PRKCQ: variants seen among roughly 807,000 people sequenced by gnomAD.
The protein encoded by PRKCQ is protein kinase C theta.
PRKCQ carries 41 observed loss-of-function variants against 91.2 expected under a neutral mutation model. The observed-to-expected ratio is 0.45, with a 90% confidence interval of 0.35 to 0.58. PRKCQ has a LOEUF of 0.58. Among genes scored for constraint, PRKCQ ranks in the 20% least tolerant of loss-of-function variants. PRKCQ has a pLI of 0.00. For synonymous variants in PRKCQ, 307 were observed against 316.9 expected (o/e 0.97, Z 0.33); for missense variants, 673 against 896.5 (o/e 0.75, Z 3.18).
rs71379861 is a variant in PRKCQ at position 6,521,922 on chromosome 10, G to GTTATTTATTTATTTAT, written c.-9-6794_-9-6779dup. On this transcript the variant is annotated intron_variant, in intron 1 of 17. Transcript: ENST00000263125. ...GTTATGTGATGTTATGTTATGTTAT[G>GTTATTTATTTATTTAT]TTATTTATTTATTTATTTATTTATT... Among the ~76,000 whole-genome samples, 347 of 63,256 alleles carry GTTATTTATTTATTTAT rather than the reference G, an allele frequency of 5.5e-3. 1 individual carries two copies. The highest frequency in any genetic ancestry group is 0.015 in the African/African-American group (330 of 22,196). 41.5% of individuals were successfully genotyped at this position (63,256 alleles called of 152,430 possible). A position where few individuals can be genotyped will look rare whatever the true frequency, so the allele number is the denominator to read the frequency against.
Position 6,441,917 on chromosome 10 carries a change from C to A in PRKCQ, c.1812G>T (p.Lys604Asn), listed in dbSNP as rs1833990997. The A allele has an allele frequency of 6.2e-7, 1 of 1,609,684 alleles. No individual in the cohort carries two copies. The highest frequency in any genetic ancestry group is 1.3e-5 in the African/African-American group (1 of 74,864). The change falls in exon 16 of 18, where the codon AAG becomes AAT. Residue 604 changes from lysine to asparagine, a missense_variant. Transcript: ENST00000263125. ...DNPFYPRWLE[K>N]EAKDLLVKLF... Reference sequence around the variant, plus strand: ...CCTTCACCAGAAGGTCCTTTGCTTCCTTCTCCAGCCACCGTGGGTAAAAGG... The same window carrying A: ...CCTTCACCAGAAGGTCCTTTGCTTCATTCTCCAGCCACCGTGGGTAAAAGG...
chr10:6,554,681 C>A (rs188146870), intron 1 of PRKCQ, among the ~76,000 whole-genome samples: 16 of 152,278 alleles, frequency 1.1e-4, no homozygotes, highest in Non-Finnish European at 2.1e-4. Context: ...TTCAATAAGT[C>A]TTTTATTAGA....
In PRKCQ at chr10:6,458,810, C is replaced by G. The variant is rs1205471411; in HGVS notation, c.1509-1998G>C. On this transcript the variant is annotated intron_variant, in intron 14 of 17. Transcript: ENST00000263125. ...CATGGGTTGGGCCCAGTTTTATTGT[C>G]AATAAAATATAATCTTAAGGTTCTT... 2.6e-5 allele frequency among the ~76,000 whole-genome samples: 4 copies of G among 152,160 alleles called. No homozygotes were observed. In the South Asian group the frequency reaches 8.3e-4, roughly 32 times the overall value.
intron 1 of PRKCQ, among the ~76,000 whole-genome samples, chr10:6,553,251 C>T (rs549207158): frequency 6.6e-6 from 1 of 152,118 alleles, no homozygotes; most frequent in Admixed American, 6.5e-5. Flanking sequence ...TCGGAATAGA[C>T]ATACGAGGCA....
At chr10:6,560,101 C>T (rs1840572576) in intron 1 of PRKCQ, among the ~76,000 whole-genome samples, 1 of 152,166 alleles carries the variant, frequency 6.6e-6, no homozygotes, top group African/African-American at 2.4e-5. Context: ...TTTGATCAGT[C>T]AACATTTAGT....
At chr10:6,480,375 A>G (rs893872033) in intron 11 of PRKCQ, among the ~76,000 whole-genome samples, 1 of 152,206 alleles carries the variant, frequency 6.6e-6, no homozygotes, top group African/African-American at 2.4e-5. Context: ...TAACTCCAAA[A>G]TCTACTTTTC....
rs1209441742 is a variant in PRKCQ, at chr10:6,444,459, A to T, written c.1648-2378T>A. 2.0e-5 allele frequency among the ~76,000 whole-genome samples: 3 copies of T among 152,168 alleles called. No homozygotes were observed. The East Asian group carries it at 5.8e-4, about 29-fold the overall frequency. ...TAAAAACAAAACCCTAGGACATAAT[A>T]GTGGCACATAAAATTTTTTTTAATG... is the stretch of plus-strand genomic sequence containing the variant. On this transcript the variant is annotated intron_variant, in intron 15 of 17. Transcript: ENST00000263125.
At chr10:6,570,744 G>A (rs887305032) in intron 1 of PRKCQ, among the ~76,000 whole-genome samples, 4 of 151,928 alleles carry the variant, frequency 2.6e-5, no homozygotes, top group Non-Finnish European at 4.4e-5. Flanking sequence ...TAGTAGAGAC[G>A]GGGTTTCACC....
intron 11 of PRKCQ, among the ~76,000 whole-genome samples, chr10:6,480,491 A>T (rs75864126): frequency 0.011 from 1,607 of 152,350 alleles, 26 homozygotes; most frequent in African/African-American, 0.036. Context: ...ACTGTTGGCA[A>T]TGGTAAGGGC....
chr10:6,430,071 C>T lies in PRKCQ; in HGVS notation c.1965+739G>A, dbSNP rs625804. ...GGTTTCACCATGTTGGCCAGGCTGA[C>T]CTCGAACTCCTGACCTCAGGTGATC... is the stretch of plus-strand genomic sequence containing the variant. On this transcript the variant is annotated intron_variant, in intron 17 of 17. Transcript: ENST00000263125. This position sits in a 1 kb window ranked among gnomAD's most constrained non-coding sequence, Gnocchi z 4.7. 0.99 allele frequency among the ~76,000 whole-genome samples: 150,622 copies of T among 152,310 alleles called. 74,490 individuals are homozygous for T. The highest frequency in any genetic ancestry group is 1 in the South Asian group (4,820 of 4,820).
Position 6,479,456 on chromosome 10 carries a change from AG to A in PRKCQ, c.1180-292del, listed in dbSNP as rs1306001828. Among the ~76,000 whole-genome samples the A allele has an allele frequency of 3.3e-5, 5 of 152,306 alleles. No homozygotes were observed. The East Asian group carries it at 9.7e-4, about 29-fold the overall frequency. On this transcript the variant is annotated intron_variant, in intron 11 of 17. Coordinates refer to ENST00000263125, the MANE Select transcript of PRKCQ (RefSeq NM_006257.5). ...CCTGCCTGCTCAGGGATCTGAGTGA[AG>A]GTACAATAAAAATCCAGAGAGATAA...
intron 12 of PRKCQ, among the ~76,000 whole-genome samples, chr10:6,471,131 A>C (rs186391576): frequency 5.9e-5 from 9 of 152,270 alleles, no homozygotes; most frequent in African/African-American, 2.2e-4. Context: ...CTACAGTCAG[A>C]CCATTTATCT....
chr10:6,485,447 A>G (rs940009367), intron 9 of PRKCQ, among the ~76,000 whole-genome samples, 178 bp from the exon 10 acceptor site: 1 of 152,228 alleles, frequency 6.6e-6, no homozygotes, highest in Non-Finnish European at 1.5e-5. Flanking sequence ...TATCTACTGT[A>G]TTTTATGCAT....
intron 1 of PRKCQ, among the ~76,000 whole-genome samples, chr10:6,537,986 G>C (rs1275718090): frequency 6.6e-6 from 1 of 152,164 alleles, no homozygotes; most frequent in Non-Finnish European, 1.5e-5. Flanking sequence ...AAGAACATCT[G>C]GCCTCCTGCA....
At chr10:6,565,462 C>T (rs1840807583) in intron 1 of PRKCQ, among the ~76,000 whole-genome samples, 1 of 152,180 alleles carries the variant, frequency 6.6e-6, no homozygotes, top group Non-Finnish European at 1.5e-5. Flanking sequence ...TCTGCGAGCT[C>T]TAGCTATGGG....
chr10:6,432,242 G>C (rs576603376), intron 16 of PRKCQ, among the ~76,000 whole-genome samples: 8 of 152,216 alleles, frequency 5.3e-5, no homozygotes, highest in Admixed American at 6.5e-5. Context: ...TGTTTTTACT[G>C]CTCATAAACA....
the PRKCQ span, among the ~76,000 whole-genome samples, chr10:6,401,356 C>T: frequency 1.3e-5 from 2 of 152,168 alleles, no homozygotes; most frequent in South Asian, 2.1e-4. Context: ...CTCAAATAAA[C>T]CCCATACTTC....
At chr10:6,473,961 T>C (rs1564330508) in intron 12 of PRKCQ, among the ~76,000 whole-genome samples, 1 of 152,184 alleles carries the variant, frequency 6.6e-6, no homozygotes, top group Non-Finnish European at 1.5e-5. Context: ...TTGTTATTAT[T>C]ATTATTTTTC....
chr10:6,473,294 G>A (rs61840402), intron 12 of PRKCQ, among the ~76,000 whole-genome samples: 3,775 of 152,278 alleles, frequency 0.025, 59 homozygotes, highest in South Asian at 0.054. Flanking sequence ...TTCTTTTGGG[G>A]TGTTTCCAGG....
Sources: gnomAD v4.1 joint callset for allele counts (sites outside exome capture counted in the v4.1 genomes callset) on GRCh38, gnomAD v4.1.1 for gene constraint, Gnocchi (gnomAD v3.1) non-coding constraint, MANE v1.5 for transcripts, NCBI Gene and HGNC (gene_info 2026-07-23, HGNC 2026-07-21) for gene names.